The following SLC26A11 variants were observed in gnomAD, a reference collection of about 807,000 sequenced individuals.
The protein encoded by SLC26A11 is sodium-independent sulfate anion transporter.
Under a neutral mutation model 62.2 loss-of-function variants are expected in SLC26A11, and 58 were observed. The observed-to-expected ratio is 0.93, with a 90% CI of 0.76 to 1.16. SLC26A11 has a LOEUF of 1.16. Ranked by LOEUF, SLC26A11 falls within the 50% of genes most tolerant of loss-of-function variation. SLC26A11 has a pLI of 0.00. For synonymous variants in SLC26A11, 411 were observed against 368.9 expected (o/e 1.11, Z -1.31); for missense variants, 790 against 794.3 (o/e 0.99, Z 0.06).
chr17:80,249,828 C>T (rs187798739), intron 16 of SLC26A11, among the ~76,000 whole-genome samples: 84 of 152,228 alleles, frequency 5.5e-4, no homozygotes, highest in Non-Finnish European at 1.0e-3. Flanking sequence ...TCGCTTGAAC[C>T]TGGGAGGTGG....
chr17:80,233,811 T>TAAAGGGATCCTCC (rs1567953566), intron 7 of SLC26A11, among the ~76,000 whole-genome samples: 2 of 129,872 alleles, frequency 1.5e-5, no homozygotes, highest in Admixed American at 1.7e-4. Flanking sequence ...ACTCCTGGGC[T>TAAAGGGATCCTCC]CAAGGGATCC....
Position 80,252,887 on chromosome 17 carries a change from G to A in SLC26A11, c.*171G>A. ...GGCCTGGAGGTCCACGGCAGTGGGA[G>A]TGGGGCTCACTGGCTTCCTGTGGGA... On this transcript the variant is annotated 3_prime_UTR_variant, in exon 18 of 18. Coordinates refer to ENST00000361193, the MANE Select transcript of SLC26A11 (RefSeq NM_001166347.2). This position sits in a 1 kb window ranked among gnomAD's most constrained non-coding sequence, Gnocchi z 5.2. 1.7e-6 allele frequency: 1 copy of A among 584,296 alleles called. No homozygotes were observed. Among genetic ancestry groups the A allele is most frequent in the Non-Finnish European group, 3.0e-6 (1 of 333,316 alleles). 36.2% of individuals were successfully genotyped at this position (584,296 alleles called of 1,614,324 possible).
intron 16 of SLC26A11, among the ~76,000 whole-genome samples, chr17:80,250,448 C>G (rs182558079): frequency 3.9e-5 from 6 of 152,330 alleles, no homozygotes; most frequent in Admixed American, 1.3e-4. Context: ...CAGATTTGGG[C>G]ATGTGCCTTC....
In SLC26A11 at chr17:80,222,002, G is replaced by A; in HGVS notation, c.234+208G>A. On this transcript the variant is annotated intron_variant, in intron 3 of 17. Coordinates refer to ENST00000361193, the MANE Select transcript of SLC26A11 (RefSeq NM_001166347.2). The surrounding 1 kb of genome is among the most constrained non-coding windows in gnomAD (Gnocchi z 4.7). ...CACAGACACTGAGCTGGTTATGGAG[G>A]GGCCAGCGAGATGACTCATGGAGGC... The A allele has an allele frequency of 1.7e-6, 1 of 572,938 alleles. No individual in the cohort carries two copies. The highest frequency in any genetic ancestry group is 2.5e-5 in the South Asian group (1 of 40,732). 35.5% of individuals were successfully genotyped at this position (572,938 alleles called of 1,614,324 possible).
chr17:80,236,642 G>A (rs1475031543), intron 7 of SLC26A11: 3 of 374,016 alleles, frequency 8.0e-6, no homozygotes, highest in Non-Finnish European at 1.5e-5. Context: ...TGGGCCACCT[G>A]ATTTCAGAGA....
At chr17:80,247,988 C>A in intron 13 of SLC26A11, 142 bp from the exon 14 acceptor site, 1 of 1,003,890 alleles carries the variant, frequency 1.0e-6, no homozygotes, top group Non-Finnish European at 1.4e-6. Context: ...CAGCTGCTGT[C>A]CCCAAGTCCT....
Position 80,222,589 on chromosome 17 carries a change from C to T in SLC26A11, c.235-66C>T, listed in dbSNP as rs955433445. On this transcript the variant is annotated intron_variant, in intron 3 of 17. Transcript: ENST00000361193. This position sits in a 1 kb window ranked among gnomAD's most constrained non-coding sequence, Gnocchi z 4.7. ...CACCCACACATCCCGAGCTTGGACACGCACACTAGGGAGCTGGTGGATGGG... is the reference window on the plus strand; with the variant it reads ...CACCCACACATCCCGAGCTTGGACATGCACACTAGGGAGCTGGTGGATGGG... 7.3e-6 allele frequency: 11 copies of T among 1,513,058 alleles called. No homozygotes were observed. The highest frequency in any genetic ancestry group is 2.7e-5 in the African/African-American group (2 of 73,266). The allele number at this position is 1,513,058 out of a possible 1,614,324, so 93.7% of individuals were successfully genotyped here.
At chr17:80,237,834 G>A (rs573835760) in intron 9 of SLC26A11, among the ~76,000 whole-genome samples, 1 of 152,374 alleles carries the variant, frequency 6.6e-6, no homozygotes, top group East Asian at 1.9e-4. Flanking sequence ...TCTGCTGTTT[G>A]TGGAAATAAA....
intron 6 of SLC26A11, among the ~76,000 whole-genome samples, chr17:80,226,904 C>T (rs559319322): frequency 2.6e-5 from 4 of 152,320 alleles, no homozygotes; most frequent in African/African-American, 9.6e-5. Context: ...TCTTCCCCTC[C>T]CCTCTGATCT....
rs542464566 is a variant in SLC26A11 at position 80,248,764 on chromosome 17, C to T, written c.1522+90C>T. The T allele has an allele frequency of 5.5e-6, 7 of 1,273,754 alleles. No homozygotes were observed. The African/African-American group carries it at 1.0e-4, about 19-fold the overall frequency. The allele number at this position is 1,273,754 out of a possible 1,614,324, so 78.9% of individuals were successfully genotyped here. A position where few individuals can be genotyped will look rare whatever the true frequency, so the allele number is the denominator to read the frequency against. On this transcript the variant is annotated intron_variant, in intron 15 of 17. Transcript: ENST00000361193. ...TGTTCAGGACCCCAAGACCCTGTCC[C>T]CAACGCTCTCCAGTCCACAAGGATG...
intron 16 of SLC26A11, 26 bp from the exon 17 acceptor site, chr17:80,251,303 C>T: frequency 6.2e-7 from 1 of 1,613,990 alleles, no homozygotes; most frequent in Non-Finnish European, 8.5e-7. Flanking sequence ...CATCCCTGCC[C>T]TGGCTAAAGT....
At position 80,223,579 on chromosome 17, in the gene SLC26A11, G is replaced by C. The variant is rs573410262; in HGVS notation, c.513+242G>C. On this transcript the variant is annotated intron_variant, in intron 5 of 17. Transcript: ENST00000361193. The surrounding 1 kb of genome is among the most constrained non-coding windows in gnomAD (Gnocchi z 4.6). ...TTCACAGCGGGTAACTTGGGGGCCGGTAATTCCATCCCCCTGCTCTTGCCC... is the reference window on the plus strand; with the variant it reads ...TTCACAGCGGGTAACTTGGGGGCCGCTAATTCCATCCCCCTGCTCTTGCCC... 6.6e-6 allele frequency among the ~76,000 whole-genome samples: 1 copy of C among 152,232 alleles called. No individual in the cohort carries two copies.
At chr17:80,225,501 C>T in intron 5 of SLC26A11, 1 of 254,138 alleles carries the variant, frequency 3.9e-6, no homozygotes, top group Non-Finnish European at 7.7e-6. Context: ...CCAGGCAGCC[C>T]ATGGCCCCTG....
intron 10 of SLC26A11, among the ~76,000 whole-genome samples, chr17:80,243,243 G>T (rs1185763417): frequency 1.3e-5 from 2 of 152,184 alleles, no homozygotes; most frequent in Non-Finnish European, 2.9e-5. Context: ...CTGAGCCATG[G>T]AGAGCGGGGC....
chr17:80,237,867 C>T (rs1267286751), intron 9 of SLC26A11, among the ~76,000 whole-genome samples: 2 of 152,204 alleles, frequency 1.3e-5, no homozygotes, highest in Non-Finnish European at 2.9e-5. Context: ...GTGGCCCTTG[C>T]CGATGTCCAC....
chr17:80,245,332 T>G, intron 11 of SLC26A11, 76 bp downstream of exon 11: 1 of 1,491,334 alleles, frequency 6.7e-7, no homozygotes, highest in African/African-American at 1.4e-5. Context: ...GGAGTCTGCC[T>G]GCCCTGACCC....
chr17:80,238,820 G>GTTTTTTTTTTTT lies in SLC26A11; in HGVS notation c.985+1232_985+1233insTTTTTTTTTTTT, dbSNP rs1366044421. 1.3e-4 allele frequency among the ~76,000 whole-genome samples: 11 copies of GTTTTTTTTTTTT among 87,384 alleles called. 2 individuals carry two copies. Among genetic ancestry groups the GTTTTTTTTTTTT allele is most frequent in the African/African-American group, 1.3e-4 (3 of 23,044 alleles). 57.3% of individuals were successfully genotyped at this position (87,384 alleles called of 152,430 possible). ...TACCCCCTTCAAAGGAGTTTTTTTT[G>GTTTTTTTTTTTT]TTTTTTGTTTTTTTTTTTTTTTGGA... On this transcript the variant is annotated intron_variant, in intron 9 of 17. Transcript: ENST00000361193.
intron 3 of SLC26A11, 34 bp downstream of exon 3, chr17:80,221,828 CAGA>C: frequency 6.3e-7 from 1 of 1,581,612 alleles, no homozygotes; most frequent in South Asian, 1.1e-5. Flanking sequence ...AGCCATATCT[CAGA>C]AACAGTGCAG....
chr17:80,240,670 G>T (rs988783862), intron 9 of SLC26A11, among the ~76,000 whole-genome samples: 1 of 151,864 alleles, frequency 6.6e-6, no homozygotes, highest in African/African-American at 2.4e-5. Flanking sequence ...GTGCGTGGTG[G>T]CATGCCCCTG....
Sources: gnomAD v4.1 joint callset for allele counts (sites outside exome capture counted in the v4.1 genomes callset) on GRCh38, gnomAD v4.1.1 for gene constraint, Gnocchi (gnomAD v3.1) non-coding constraint, MANE v1.5 for transcripts, NCBI Gene and HGNC (gene_info 2026-07-23, HGNC 2026-07-21) for gene names.